Variants in PTPRD observed in about 807,000 individuals in gnomAD.
The protein encoded by PTPRD is receptor-type tyrosine-protein phosphatase delta.
A neutral mutation model predicts 214.5 loss-of-function variants in PTPRD; 34 were observed. The observed-to-expected ratio is 0.16, with a 90% CI of 0.12 to 0.21. PTPRD has a LOEUF of 0.21. Among genes scored for constraint, PTPRD ranks in the 10% least tolerant of loss-of-function variants. The probability of loss-of-function intolerance (pLI) is 1.00; values close to 1 mark genes in which losing one functional copy is unlikely to be tolerated. For synonymous variants in PTPRD, 1,128 were observed against 845.7 expected, an observed-to-expected ratio of 1.33 and a Z score of -5.79; for missense variants, 2,545 against 2,398.7, an observed-to-expected ratio of 1.06 and a Z score of -1.27.
chr9:8,332,144 A>G (rs960140388), intron 43 of PTPRD, among the ~76,000 whole-genome samples: 2 of 152,188 alleles, frequency 1.3e-5, no homozygotes, highest in Admixed American at 1.3e-4. Context: ...CAAAAATTTC[A>G]GAAACTAATT....
chr9:8,315,350 A>G lies in PTPRD; in HGVS notation c.*2524T>C. 4.3e-6 allele frequency: 1 copy of G among 232,562 alleles called. No individual in the cohort carries two copies. The highest frequency in any genetic ancestry group is 8.5e-6 in the Non-Finnish European group (1 of 117,368). 14.4% of individuals were successfully genotyped at this position (232,562 alleles called of 1,614,324 possible). On this transcript the variant is annotated 3_prime_UTR_variant, in exon 46 of 46. Coordinates refer to ENST00000381196, the MANE Select transcript of PTPRD (RefSeq NM_002839.4). Reference sequence around the variant, plus strand: ...AATGGGCAGTTATTGTTTCAGGGAGAGAAGCTGCTCATTGGCCAATCATTC... The same window carrying G: ...AATGGGCAGTTATTGTTTCAGGGAGGGAAGCTGCTCATTGGCCAATCATTC...
At chr9:9,398,574 C>A (rs1019456156) in intron 8 of PTPRD, among the ~76,000 whole-genome samples, 2 of 151,806 alleles carry the variant, frequency 1.3e-5, no homozygotes, top group South Asian at 2.1e-4. Context: ...TAGTAATATA[C>A]CCTATGAACA....
chr9:9,564,803 C>A (rs2083932156), intron 8 of PTPRD, among the ~76,000 whole-genome samples: 1 of 149,712 alleles, frequency 6.7e-6, no homozygotes, highest in Non-Finnish European at 1.5e-5. Flanking sequence ...AAATATATCA[C>A]ACTTAGATTT....
intron 11 of PTPRD, among the ~76,000 whole-genome samples, chr9:8,890,689 C>G (rs981032593): frequency 5.9e-5 from 9 of 152,318 alleles, no homozygotes; most frequent in African/African-American, 1.9e-4. Context: ...TTTTACTTTT[C>G]TCTCCTTTGA....
chr9:9,025,240 A>G (rs1300140611), intron 10 of PTPRD, among the ~76,000 whole-genome samples: 3 of 151,948 alleles, frequency 2.0e-5, no homozygotes, highest in Non-Finnish European at 4.4e-5. Flanking sequence ...CATTTTTTCT[A>G]AAGAGGGAGG....
chr9:8,329,431 C>G (rs181502234), intron 44 of PTPRD, among the ~76,000 whole-genome samples: 1 of 152,216 alleles, frequency 6.6e-6, no homozygotes, highest in Non-Finnish European at 1.5e-5. Context: ...CCAGTGTTCT[C>G]CTGTATGAGG....
chr9:10,085,998 G>C (rs893389004), intron 3 of PTPRD, among the ~76,000 whole-genome samples: 2 of 151,588 alleles, frequency 1.3e-5, no homozygotes, highest in Non-Finnish European at 2.9e-5. Context: ...AACCAGTGGT[G>C]GTGCAATTTA....
At chr9:9,078,737 A>G (rs976091288) in intron 10 of PTPRD, among the ~76,000 whole-genome samples, 1 of 152,228 alleles carries the variant, frequency 6.6e-6, no homozygotes, top group African/African-American at 2.4e-5. Flanking sequence ...GTTGCAACAG[A>G]GGACCCAGTC....
At chr9:8,539,293 G>T (rs558645491) in intron 14 of PTPRD, among the ~76,000 whole-genome samples, 4 of 151,778 alleles carry the variant, frequency 2.6e-5, no homozygotes, top group Non-Finnish European at 5.9e-5. Flanking sequence ...AAATGATAGG[G>T]AAAGTCTTAA....
intron 32 of PTPRD, among the ~76,000 whole-genome samples, chr9:8,460,912 T>C (rs1051775578): frequency 2.6e-5 from 4 of 152,086 alleles, no homozygotes; most frequent in East Asian, 1.9e-4. Flanking sequence ...GCAAAATGTT[T>C]AATGAACATT....
chr9:9,220,350 A>C (rs1227990319), intron 9 of PTPRD, among the ~76,000 whole-genome samples: 1 of 149,486 alleles, frequency 6.7e-6, no homozygotes, highest in Non-Finnish European at 1.5e-5. Flanking sequence ...TTCATATTGC[A>C]AAATGACAAG....
intron 9 of PTPRD, among the ~76,000 whole-genome samples, chr9:9,267,913 C>T (rs1422016527): frequency 1.3e-5 from 2 of 151,118 alleles, no homozygotes; most frequent in Non-Finnish European, 3.0e-5. Flanking sequence ...CAGCCCATAG[C>T]TAACGTCATT....
At chr9:9,266,186 G>A (rs929743497) in intron 9 of PTPRD, among the ~76,000 whole-genome samples, 8 of 151,434 alleles carry the variant, frequency 5.3e-5, no homozygotes, top group Admixed American at 4.0e-4. Context: ...TCAAAAGGAT[G>A]TAGCAATTTT....
chr9:8,427,368 T>C (rs72691086), intron 35 of PTPRD, among the ~76,000 whole-genome samples: 11,145 of 152,212 alleles, frequency 0.073, 628 homozygotes, highest in African/African-American at 0.16. Flanking sequence ...TTCTGTTTGC[T>C]CCTGTTGTTG....
intron 2 of PTPRD, among the ~76,000 whole-genome samples, chr9:10,420,303 C>T (rs751083021): frequency 6.6e-6 from 1 of 151,834 alleles, no homozygotes; most frequent in Non-Finnish European, 1.5e-5. Context: ...CAGGTAATCT[C>T]TTGTCCTTTG....
At chr9:8,587,490 T>C (rs1244960319) in intron 14 of PTPRD, among the ~76,000 whole-genome samples, 3 of 152,230 alleles carry the variant, frequency 2.0e-5, no homozygotes, top group Non-Finnish European at 1.5e-5. Context: ...AACAAACTTG[T>C]AGAATTCGAA....
At chr9:9,916,168 T>C (rs2080741084) in intron 5 of PTPRD, among the ~76,000 whole-genome samples, 1 of 151,530 alleles carries the variant, frequency 6.6e-6, no homozygotes, top group South Asian at 2.1e-4. Flanking sequence ...GAAATGTTTC[T>C]CAGACAAGCA....
chr9:10,593,624 A>G (rs919035212), intron 2 of PTPRD, among the ~76,000 whole-genome samples: 1 of 151,984 alleles, frequency 6.6e-6, no homozygotes, highest in Admixed American at 6.6e-5. Context: ...TATATCATGA[A>G]TAGTCCTGTT....
At chr9:10,560,228 A>G (rs1188822644) in intron 2 of PTPRD, among the ~76,000 whole-genome samples, 1 of 152,240 alleles carries the variant, frequency 6.6e-6, no homozygotes, top group Non-Finnish European at 1.5e-5. Flanking sequence ...CTATGCAGCC[A>G]TAAAAAATGA....
Sources: allele counts gnomAD v4.1 joint callset (sites outside exome capture counted in the v4.1 genomes callset), GRCh38; gene constraint gnomAD v4.1.1; transcripts MANE v1.5; gene names NCBI Gene and HGNC (gene_info 2026-07-23, HGNC 2026-07-21).